The following PCDHA6 variants were observed in gnomAD, a reference collection of about 807,000 sequenced individuals.
PCDHA6 encodes protocadherin alpha-6.
PCDHA6 carries 55 observed loss-of-function variants against 60.3 expected under a neutral mutation model. The ratio of observed to expected loss-of-function variants is 0.91; its 90% confidence interval spans 0.73 to 1.14. The LOEUF is 1.14. Ranked by LOEUF, PCDHA6 falls within the 50% of genes most tolerant of loss-of-function variation. The probability of loss-of-function intolerance (pLI) is 0.00; values close to 1 mark genes in which losing one functional copy is unlikely to be tolerated. For synonymous variants in PCDHA6, 652 were observed against 557.9 expected, an observed-to-expected ratio of 1.17 and a Z score of -2.38; for missense variants, 1,327 against 1,256.5, an observed-to-expected ratio of 1.06 and a Z score of -0.85.
At position 140,829,264 on chromosome 5, in the gene PCDHA6, T is replaced by C. The variant is rs2150164860; in HGVS notation, c.1173T>C (p.Pro391=). Residue 391 remains proline, a synonymous_variant, in exon 1 of 4, where the codon CCT becomes CCC. Coordinates refer to ENST00000529310, the MANE Select transcript of PCDHA6 (RefSeq NM_018909.4). Reference sequence around the variant, plus strand: ...GGCAGGTGAACTGCTCGCTGACGCCTCACGTCCCTTTCAAGCTGGTGTCCA... The same window carrying C: ...GGCAGGTGAACTGCTCGCTGACGCCCCACGTCCCTTTCAAGCTGGTGTCCA... The part of the protein sequence containing the change: ...ANGQVNCSLT[P]HVPFKLVSTF... 2 of 1,614,244 alleles carry C rather than the reference T, an allele frequency of 1.2e-6. No individual in the cohort carries two copies. The highest frequency in any genetic ancestry group is 2.2e-5 in the East Asian group (1 of 44,878).
intron 1 of PCDHA6, among the ~76,000 whole-genome samples, chr5:140,909,316 G>C (rs2074435468): frequency 6.6e-6 from 1 of 152,198 alleles, no homozygotes; most frequent in Non-Finnish European, 1.5e-5. Flanking sequence ...AAAGGCATTT[G>C]CCAAATCAAT....
chr5:140,995,905 G>C (rs1346539389), intron 3 of PCDHA6, among the ~76,000 whole-genome samples: 1 of 152,186 alleles, frequency 6.6e-6, no homozygotes, highest in Non-Finnish European at 1.5e-5. Flanking sequence ...GTATAAAAGA[G>C]GAGAGACCAT....
intron 1 of PCDHA6, among the ~76,000 whole-genome samples, chr5:140,896,222 A>G (rs1554186870): frequency 6.6e-6 from 1 of 152,222 alleles, no homozygotes; most frequent in Non-Finnish European, 1.5e-5. Context: ...ATGTGTCTTT[A>G]TAGTAGAATG....
intron 1 of PCDHA6, among the ~76,000 whole-genome samples, chr5:140,939,692 A>T (rs2092437980): frequency 6.6e-6 from 1 of 152,222 alleles, no homozygotes; most frequent in African/African-American, 2.4e-5. Context: ...GTGTTGCTGG[A>T]CATTATCATT....
chr5:140,843,295 G>A lies in PCDHA6; in HGVS notation c.2394+12810G>A, dbSNP rs2150356733. On this transcript the variant is annotated intron_variant, in intron 1 of 3. Transcript: ENST00000529310. ...TGGTGAAGGATCATGGTGAACCTGC[G>A]CTGACCGCCACGGCCACGGTTCTGG... is the stretch of plus-strand genomic sequence containing the variant. 8.4e-5 allele frequency: 134 copies of A among 1,595,834 alleles called. 14 individuals are homozygous for A. In the Admixed American group the frequency reaches 2.2e-3, roughly 27 times the overall value.
At chr5:140,835,979 G>T (rs1774093579) in intron 1 of PCDHA6, 2 of 1,613,412 alleles carry the variant, frequency 1.2e-6, no homozygotes, top group East Asian at 4.5e-5. Context: ...AGCTGTTGCA[G>T]TTCCAGGTGA....
At chr5:140,895,367 CT>C (rs35382025) in intron 1 of PCDHA6, among the ~76,000 whole-genome samples, 1 of 152,014 alleles carries the variant, frequency 6.6e-6, no homozygotes, top group Non-Finnish European at 1.5e-5. Context: ...CTTATTGGCA[CT>C]TTTTGGAGTT....
chr5:140,932,866 T>C (rs1584758563), intron 1 of PCDHA6, among the ~76,000 whole-genome samples: 1 of 151,996 alleles, frequency 6.6e-6, no homozygotes, highest in Non-Finnish European at 1.5e-5. Flanking sequence ...TTATTGTCTT[T>C]TGTTGTCTTC....
rs2098422397 is a variant in PCDHA6 at position 141,011,934 on chromosome 5, T to C, written c.*1997T>C. The C allele has an allele frequency of 6.5e-6, 1 of 153,836 alleles. No homozygotes were observed. The highest frequency in any genetic ancestry group is 6.5e-5 in the Admixed American group (1 of 15,306). The allele number at this position is 153,836 out of a possible 1,614,324, so 9.5% of individuals were successfully genotyped here. On this transcript the variant is annotated 3_prime_UTR_variant, in exon 4 of 4. Transcript: ENST00000529310. ...TAATATAAAAGAGGTAGGAGTCTGT[T>C]ATTTAAAAAAAGCATTAAATTTAAA...
intron 1 of PCDHA6, chr5:140,849,878 G>T (rs558218817): frequency 6.3e-7 from 1 of 1,598,486 alleles, no homozygotes; most frequent in East Asian, 2.2e-5. Context: ...CCGAGTACAC[G>T]GTGTTCGTGA....
At chr5:140,993,376 G>A (rs577656854) in intron 3 of PCDHA6, among the ~76,000 whole-genome samples, 6 of 151,752 alleles carry the variant, frequency 4.0e-5, no homozygotes, top group Non-Finnish European at 7.4e-5. Context: ...CCTCCCAGCC[G>A]GGTCCCTGAA....
chr5:140,961,549 T>C (rs782360372), intron 1 of PCDHA6, among the ~76,000 whole-genome samples: 3 of 152,220 alleles, frequency 2.0e-5, no homozygotes, highest in Non-Finnish European at 4.4e-5. Flanking sequence ...CTGCAGCATT[T>C]CTTTTTTTAA....
chr5:140,935,710 A>C (rs551291942), intron 1 of PCDHA6, among the ~76,000 whole-genome samples: 1 of 152,272 alleles, frequency 6.6e-6, no homozygotes, highest in South Asian at 2.1e-4. Context: ...TATAAAACAA[A>C]ATATATTTAG....
chr5:140,871,316 T>C, intron 1 of PCDHA6: 1 of 1,614,034 alleles, frequency 6.2e-7, no homozygotes, highest in South Asian at 1.1e-5. Context: ...AAGCCCACGC[T>C]GGTGTGCTCC....
intron 3 of PCDHA6, among the ~76,000 whole-genome samples, chr5:140,986,392 C>T (rs1331552974): frequency 1.3e-5 from 2 of 152,162 alleles, no homozygotes; most frequent in South Asian, 2.1e-4. Context: ...CATTAAAGGG[C>T]CAGTCGCTCA....
chr5:140,935,353 T>C (rs2090328143), intron 1 of PCDHA6, among the ~76,000 whole-genome samples: 1 of 152,184 alleles, frequency 6.6e-6, no homozygotes, highest in Non-Finnish European at 1.5e-5. Flanking sequence ...CAAATCCCAG[T>C]TTTCATTAAC....
At chr5:140,832,339 T>C (rs2150201116) in intron 1 of PCDHA6, among the ~76,000 whole-genome samples, 1 of 152,330 alleles carries the variant, frequency 6.6e-6, no homozygotes, top group Admixed American at 6.5e-5. Context: ...GACTGAGTTG[T>C]GGTTTGTGTT....
chr5:140,947,249 C>T (rs1178030042), intron 1 of PCDHA6, among the ~76,000 whole-genome samples: 3 of 151,204 alleles, frequency 2.0e-5, no homozygotes, highest in African/African-American at 7.3e-5. Flanking sequence ...TAAGATAATC[C>T]AATGTACCAT....
chr5:140,897,937 C>T (rs1487544322), intron 1 of PCDHA6, among the ~76,000 whole-genome samples: 7 of 152,184 alleles, frequency 4.6e-5, no homozygotes, highest in African/African-American at 1.7e-4. Flanking sequence ...CTCTGATGGC[C>T]AGTGATGATT....
Sources: allele counts gnomAD v4.1 joint callset (sites outside exome capture counted in the v4.1 genomes callset), GRCh38; gene constraint gnomAD v4.1.1; transcripts MANE v1.5; gene names NCBI Gene and HGNC (gene_info 2026-07-23, HGNC 2026-07-21).